NCL: variants seen among roughly 807,000 people sequenced by gnomAD.
NCL encodes nucleolin multifunctional protein.
A neutral mutation model predicts 77.7 loss-of-function variants in NCL; 4 were observed. The observed-to-expected ratio is 0.05, with a 90% confidence interval of 0.03 to 0.12. The LOEUF (loss-of-function observed/expected upper bound fraction) is 0.12. Ranked by LOEUF, NCL falls within the 10% of genes least tolerant of loss-of-function variation. NCL has a pLI of 1.00. For missense variants in NCL, 763 were observed against 860.9 expected (o/e 0.89, Z 1.42); for synonymous variants, 344 against 297.8 (o/e 1.16, Z -1.60).
In NCL at chr2:231,457,052, T is replaced by C; in HGVS notation, c.1520A>G (p.Glu507Gly). 5 of 1,614,186 alleles carry C rather than the reference T, an allele frequency of 3.1e-6. No homozygotes were observed. The highest frequency in any genetic ancestry group is 4.2e-6 in the Non-Finnish European group (5 of 1,180,024). Residue 507 changes from glutamate to glycine, a missense_variant, in exon 10 of 14, where the codon GAG becomes GGG. By Grantham distance (98) the Glu-to-Gly change is moderately conservative. Around this residue, in one of 2 missense-constraint regions of NCL, gnomAD observed 173 missense variants for 290.4 expected, o/e 0.60. Transcript: ENST00000322723. Reference protein sequence around the residue: ...ATEETLQEVFEKATFIKVPQN... With the variant: ...ATEETLQEVFGKATFIKVPQN... ...GGGTACTTTGATAAAAGTTGCTTTC[T>C]CAAATACTTCCTGAAGAGTTTCTTC...
At chr2:231,460,351 A>C (rs762966560) in intron 5 of NCL, 58 bp from the exon 6 acceptor site, 1 of 1,611,324 alleles carries the variant, frequency 6.2e-7, no homozygotes, top group African/African-American at 1.3e-5. Context: ...TTAGTTTCCA[A>C]AGCAAAATTT....
At chr2:231,459,366 G>A (rs1476533912) in intron 6 of NCL, among the ~76,000 whole-genome samples, 1 of 152,154 alleles carries the variant, frequency 6.6e-6, no homozygotes, top group African/African-American at 2.4e-5. Flanking sequence ...TTGCTTATAA[G>A]AATTCACAGT....
intron 11 of NCL, 76 bp from the exon 12 acceptor site, chr2:231,456,212 A>C (rs765578645): frequency 3.9e-6 from 6 of 1,553,234 alleles, no homozygotes; most frequent in Non-Finnish European, 3.5e-6. Flanking sequence ...GCCTAGTATG[A>C]CTACTAGCCA....
Position 231,455,459 on chromosome 2 carries a change from T to A in NCL, c.1998A>T (p.Arg666=). 1 of 1,614,082 alleles carries A rather than the reference T, an allele frequency of 6.2e-7. No homozygotes were observed. Among genetic ancestry groups the A allele is most frequent in the East Asian group, 2.2e-5 (1 of 44,884 alleles). Residue 666 remains arginine, a synonymous_variant, in exon 13 of 14, where the codon CGA becomes CGT. Coordinates refer to ENST00000322723, the MANE Select transcript of NCL (RefSeq NM_005381.3). ...CTCCTCGGCCTCCTCTACCACCACC[T>A]CGTCCTCCAAAGCCGCCTCTGCCTC... is the stretch of plus-strand genomic sequence containing the variant. ...RGGGRGGFGG[R]GGGRGGRGGF...
At chr2:231,456,841 C>T (rs923463730) in intron 10 of NCL, 77 bp from the exon 11 acceptor site, 1 of 1,582,832 alleles carries the variant, frequency 6.3e-7, no homozygotes, top group African/African-American at 1.4e-5. Flanking sequence ...CTGCCAAGCC[C>T]CTTCTCTCAA....
intron 1 of NCL, chr2:231,463,976 GCGCGGCCCACGTGGCAGGC>G: frequency 2.4e-6 from 1 of 420,174 alleles, no homozygotes; most frequent in South Asian, 4.7e-5. Context: ...GACCCACGCG[GCGCGGCCCACGTGGCAGGC>G]CGCGCTCCCG....
At chr2:231,460,641 G>A in intron 4 of NCL, 28 bp downstream of exon 4, 1 of 1,614,082 alleles carries the variant, frequency 6.2e-7, no homozygotes, top group South Asian at 1.1e-5. Flanking sequence ...CATAACTCAT[G>A]TCGTATGTCA....
chr2:231,458,441 GGGGC>G, intron 7 of NCL, 52 bp from the exon 8 acceptor site: 1 of 1,592,294 alleles, frequency 6.3e-7, no homozygotes, highest in South Asian at 1.1e-5. Flanking sequence ...CCAAAGGTGG[GGGGC>G]AACAACAAAA....
chr2:231,463,776 G>A, intron 1 of NCL: 1 of 165,798 alleles, frequency 6.0e-6, no homozygotes. Context: ...CGGCCACGTG[G>A]GGGTACCTGG....
At position 231,455,194 on chromosome 2, in the gene NCL, T is replaced by C; in HGVS notation, c.2130A>G (p.Glu710=). The change falls in exon 14 of 14, where the codon GAA becomes GAG. Residue 710 remains glutamate, a synonymous_variant. Transcript: ENST00000322723. ...HKPQGKKTKF[E] Reference sequence around the variant, plus strand: ...AGGGAAAGCAGAGGGACAGAAGCTATTCAAACTTCGTCTTCTTTCCTTGTG... The same window carrying C: ...AGGGAAAGCAGAGGGACAGAAGCTACTCAAACTTCGTCTTCTTTCCTTGTG... 1 of 1,614,192 alleles carries C rather than the reference T, an allele frequency of 6.2e-7. No individual in the cohort carries two copies. Among genetic ancestry groups the C allele is most frequent in the Non-Finnish European group, 8.5e-7 (1 of 1,180,032 alleles).
In NCL at chr2:231,458,250, A is replaced by C; in HGVS notation, c.1289+16T>G. ...AATGTTAATAAAACCCTTACATTTC[A>C]ATAGACAGAACATACCCTTTACTTT... On this transcript the variant is annotated intron_variant, in intron 8 of 13. Transcript: ENST00000322723. 2 of 1,601,180 alleles carry C rather than the reference A, an allele frequency of 1.2e-6. No individual in the cohort carries two copies. Among genetic ancestry groups the C allele is most frequent in the East Asian group, 2.2e-5 (1 of 44,828 alleles).
Position 231,456,911 on chromosome 2 carries a change from C to T in NCL, c.1571+90G>A, listed in dbSNP as rs1575259039. 9.6e-6 allele frequency: 15 copies of T among 1,564,780 alleles called. No individual in the cohort carries two copies. In the East Asian group the frequency reaches 1.3e-4, roughly 14 times the overall value. ...CATTTACGTAGCTAAAATTATTTGG[C>T]TTTTCTGACAGGATCACATGACCTT... On this transcript the variant is annotated intron_variant, in intron 10 of 13. Coordinates refer to ENST00000322723, the MANE Select transcript of NCL (RefSeq NM_005381.3).
chr2:231,459,239 A>AT, intron 6 of NCL, 114 bp from the exon 7 acceptor site: 2 of 1,195,438 alleles, frequency 1.7e-6, no homozygotes, highest in South Asian at 4.2e-5. Context: ...TTTAAAAAGC[A>AT]CCCCTAGTAT....
Position 231,454,622 on chromosome 2 carries a change from A to AG in NCL, c.*568dup, listed in dbSNP as rs2046864965. On this transcript the variant is annotated 3_prime_UTR_variant, in exon 14 of 14. Coordinates refer to ENST00000322723, the MANE Select transcript of NCL (RefSeq NM_005381.3). ...CACCAGCATTTCAACCAAGTTAGTT[A>AG]GGGCTGGGATACTGGAAACACGCAC... 1 of 153,258 alleles carries AG rather than the reference A, an allele frequency of 6.5e-6. No individual in the cohort carries two copies. The highest frequency in any genetic ancestry group is 2.0e-4 in the South Asian group (1 of 4,886). The allele number at this position is 153,258 out of a possible 1,614,324, so 9.5% of individuals were successfully genotyped here.
intron 7 of NCL, 111 bp from the exon 8 acceptor site, chr2:231,458,500 A>T: frequency 1.5e-6 from 2 of 1,344,474 alleles, no homozygotes; most frequent in Non-Finnish European, 2.0e-6. Context: ...ATAATTTGAG[A>T]TCCTATAATG....
intron 2 of NCL, among the ~76,000 whole-genome samples, chr2:231,462,840 G>A (rs1003948502): frequency 7.9e-5 from 12 of 152,300 alleles, no homozygotes; most frequent in African/African-American, 2.6e-4. Flanking sequence ...TTAATTGGAG[G>A]CTAGGAAAGG....
At position 231,454,044 on chromosome 2, in the gene NCL, G is replaced by C. The variant is rs961625042; in HGVS notation, c.*1147C>G. 6.7e-6 allele frequency: 1 copy of C among 149,986 alleles called. No homozygotes were observed. Among genetic ancestry groups the C allele is most frequent in the Non-Finnish European group, 1.5e-5 (1 of 67,352 alleles). 9.3% of individuals were successfully genotyped at this position (149,986 alleles called of 1,614,324 possible). On this transcript the variant is annotated 3_prime_UTR_variant, in exon 14 of 14. Coordinates refer to ENST00000322723, the MANE Select transcript of NCL (RefSeq NM_005381.3). ...AGACCAGAAAGAATAAGCAATATAC[G>C]TAGTGCAGAACAAATGGCTTTTTGG...
chr2:231,460,754 ATCATCCTCTTCTTCATCT>A lies in NCL; in HGVS notation c.708_725del (p.Glu236_Asp241del). 6.2e-7 allele frequency: 1 copy of A among 1,613,298 alleles called. No homozygotes were observed. The highest frequency in any genetic ancestry group is 8.5e-7 in the Non-Finnish European group (1 of 1,179,462). On this transcript the variant is annotated inframe_deletion, in exon 4 of 14. Transcript: ENST00000322723. ...CGTCGTCGTCGTCATCCTCGTCCTC[ATCATCCTCTTCTTCATCT>A]TCATCCTCAGCCACGTTCTTGGCTT...
chr2:231,463,266 C>T lies in NCL; in HGVS notation c.69G>A (p.Glu23=), dbSNP rs1210337093. The T allele has an allele frequency of 6.2e-7, 1 of 1,613,054 alleles. No individual in the cohort carries two copies. Among genetic ancestry groups the T allele is most frequent in the Non-Finnish European group, 8.5e-7 (1 of 1,179,866 alleles). The change falls in exon 2 of 14, where the codon GAG becomes GAA. Residue 23 remains glutamate (E), a synonymous_variant. Coordinates refer to ENST00000322723, the MANE Select transcript of NCL (RefSeq NM_005381.3). ...DPKKMAPPPK[E]VEEDSEDEEM... ...CCTCATCTTCACTATCTTCTTCTAC[C>T]TCCTTTGGAGGAGGAGCCATTTTCT...
Sources: allele counts gnomAD v4.1 joint callset (sites outside exome capture counted in the v4.1 genomes callset), GRCh38; gene constraint gnomAD v4.1.1; regional missense constraint gnomAD v4.1.1; transcripts MANE v1.5; gene names NCBI Gene and HGNC (gene_info 2026-07-23, HGNC 2026-07-21).